DRP2: variants seen among roughly 807,000 people sequenced by gnomAD.
The protein encoded by DRP2 is dystrophin-related protein 2.
In DRP2, 29 loss-of-function variants were observed where a neutral mutation model predicts 78.2. That is an observed-to-expected ratio of 0.37 (90% CI 0.28 to 0.51). DRP2 has a LOEUF of 0.51. Among genes scored for constraint, DRP2 ranks in the 20% least tolerant of loss-of-function variants. The pLI is 0.94. For missense variants in DRP2, 686 were observed against 770.6 expected, an observed-to-expected ratio of 0.89 and a Z score of 1.30; for synonymous variants, 290 against 281.9, an observed-to-expected ratio of 1.03 and a Z score of -0.29.
chrX:101,259,612 C>T (rs1489412729), intron 22 of DRP2, among the ~76,000 whole-genome samples: 1 of 111,757 alleles, frequency 8.9e-6, no homozygotes, highest in Non-Finnish European at 1.9e-5. Context: ...GATTCTCCTG[C>T]CTCAGCCTCC....
intron 2 of DRP2, among the ~76,000 whole-genome samples, chrX:101,229,894 T>C (rs1424005011): frequency 1.8e-5 from 2 of 112,244 alleles, no homozygotes; most frequent in East Asian, 2.8e-4. Flanking sequence ...CTTAGCTCTT[T>C]ACATCTAAAG....
rs181263222 is a variant in DRP2, at chrX:101,223,775, C to T, written c.-166-829C>T. On this transcript the variant is annotated intron_variant, in intron 1 of 23. Transcript: ENST00000395209. ...TTGACAGCTAAACTTCTCAGGAATA[C>T]GTTTCCTTGTTTTCATTTGTAAATG... 7.9e-4 allele frequency among the ~76,000 whole-genome samples: 89 copies of T among 112,063 alleles called. 2 individuals carry two copies. The highest frequency in any genetic ancestry group is 2.4e-3 in the African/African-American group (73 of 30,822).
At chrX:101,249,212 A>G (rs7051508) in intron 14 of DRP2, among the ~76,000 whole-genome samples, 2,102 of 111,895 alleles carry the variant, frequency 0.019, 67 homozygotes, top group African/African-American at 0.065. Context: ...CCTGCTTCCA[A>G]TGATTTACAG....
chrX:101,258,423 T>A lies in DRP2; in HGVS notation c.2505T>A (p.Leu835=). The part of the protein sequence containing the change: ...EAATDHRNEE[L]LAEARILRQH... ...CAACAGACCACCGCAATGAGGAGCT[T>A]CTGGCCGAGGCCCGTATCCTTCGGC... Residue 835 remains leucine (L), a synonymous_variant, in exon 22 of 24, where the codon CTT becomes CTA. Transcript: ENST00000395209. 8.3e-7 allele frequency: 1 copy of A among 1,206,676 alleles called. No homozygotes were observed. The highest frequency in any genetic ancestry group is 1.1e-6 in the Non-Finnish European group (1 of 893,082).
Position 101,247,106 on chromosome X carries a change from T to G in DRP2, c.1194T>G (p.Ile398Met). The change falls in exon 12 of 24, where the codon ATT becomes ATG. Residue 398 changes from isoleucine (I) to methionine (M), a missense_variant. Physicochemically the swap from Ile to Met is conservative, Grantham distance 10. This residue lies in a region of DRP2 where 423 missense variants were observed against 531.5 expected (regional missense o/e 0.80). Transcript: ENST00000395209. ...LYQTLADLNN[I>M]KFSAYRTAMK... ...TCTTTGCAGCTGATCTGAACAACAT[T>G]AAGTTCTCAGCTTATCGCACTGCCA... 1 of 1,210,666 alleles carries G rather than the reference T, an allele frequency of 8.3e-7. No homozygotes were observed. The highest frequency in any genetic ancestry group is 1.1e-6 in the Non-Finnish European group (1 of 894,967).
chrX:101,252,548 G>T (rs1041486384), intron 16 of DRP2, 57 bp from the exon 17 acceptor site: 34 of 944,149 alleles, frequency 3.6e-5, no homozygotes, highest in Non-Finnish European at 6.1e-6. Context: ...GGGAACAGCG[G>T]GGAGGTCACT....
At chrX:101,250,882 C>T (rs1016622018) in intron 15 of DRP2, 35 bp from the exon 16 acceptor site, 6 of 1,199,505 alleles carry the variant, frequency 5.0e-6, no homozygotes, top group African/African-American at 3.5e-5. Context: ...CACTTTGGGC[C>T]TCAGTCATTC....
At chrX:101,222,106 T>G (rs1912009667) in intron 1 of DRP2, among the ~76,000 whole-genome samples, 1 of 111,314 alleles carries the variant, frequency 9.0e-6, no homozygotes, top group Non-Finnish European at 1.9e-5. Flanking sequence ...GTTCAATACT[T>G]TTTTGGAAAT....
At chrX:101,221,463 C>T (rs1017831762) in intron 1 of DRP2, among the ~76,000 whole-genome samples, 3 of 112,497 alleles carry the variant, frequency 2.7e-5, no homozygotes, top group Non-Finnish European at 3.8e-5. Flanking sequence ...GTGTTGTGTC[C>T]TGTTTCTGAA....
At chrX:101,223,390 T>TGTATACAG (rs1921961140) in intron 1 of DRP2, among the ~76,000 whole-genome samples, 2 of 112,504 alleles carry the variant, frequency 1.8e-5, no homozygotes, top group Admixed American at 9.4e-5. Flanking sequence ...TTTTCACTAT[T>TGTATACAG]GTATACTCCT....
At chrX:101,242,800 A>G in intron 8 of DRP2, 104 bp from the exon 9 acceptor site, 1 of 804,342 alleles carries the variant, frequency 1.2e-6, no homozygotes, top group South Asian at 2.4e-5. Flanking sequence ...AACCAGAGAA[A>G]AGCCAGTCCC....
chrX:101,245,303 C>G (rs1002056220), intron 10 of DRP2, 85 bp from the exon 11 acceptor site: 1 of 987,832 alleles, frequency 1.0e-6, no homozygotes, highest in African/African-American at 1.9e-5. Context: ...TTGCATCCAA[C>G]CTGTCACTTG....
At position 101,225,991 on chromosome X, in the gene DRP2, C is replaced by A. The variant is rs745703330; in HGVS notation, c.-64+1285C>A. ...AAAGACATGGGGAGAATTTTTACTGCTCAGTTCCCTTCTCCAATGGTAACA... is the reference window on the plus strand; with the variant it reads ...AAAGACATGGGGAGAATTTTTACTGATCAGTTCCCTTCTCCAATGGTAACA... On this transcript the variant is annotated intron_variant, in intron 2 of 23. Transcript: ENST00000395209. 3.8e-4 allele frequency among the ~76,000 whole-genome samples: 42 copies of A among 111,920 alleles called. No homozygotes were observed. In the South Asian group the frequency reaches 6.7e-3, roughly 18 times the overall value.
At chrX:101,258,180 TG>T in intron 21 of DRP2, 128 bp from the exon 22 acceptor site, 1 of 397,174 alleles carries the variant, frequency 2.5e-6, no homozygotes, top group Non-Finnish European at 3.9e-6. Context: ...GGGGTGGGGA[TG>T]GGGGTGGGGG....
At chrX:101,227,586 C>T (rs73556806) in intron 2 of DRP2, among the ~76,000 whole-genome samples, 3 of 110,449 alleles carry the variant, frequency 2.7e-5, no homozygotes, top group East Asian at 5.7e-4. Context: ...ACAGCACAGC[C>T]GACTACAAAG....
Position 101,248,099 on chromosome X carries a change from A to G in DRP2, c.1263A>G (p.Val421=). Residue 421 remains valine, a synonymous_variant, in exon 13 of 24, where the codon GTA becomes GTG. Transcript: ENST00000395209. ...RVQKALRLDL[V]TLTTALEIFN... ...TTCTTTCCTTACCAGTGGACCTGGT[A>G]ACTTTAACCACAGCCCTGGAAATCT... 1.7e-6 allele frequency: 2 copies of G among 1,210,601 alleles called. No individual in the cohort carries two copies. Among genetic ancestry groups the G allele is most frequent in the Non-Finnish European group, 2.2e-6 (2 of 894,967 alleles).
chrX:101,242,544 G>A lies in DRP2; in HGVS notation c.975+73G>A, dbSNP rs147741952. 1.7e-4 allele frequency: 186 copies of A among 1,125,451 alleles called. 1 individual carries two copies. In the East Asian group the frequency reaches 5.5e-3, roughly 33 times the overall value. The allele number at this position is 1,125,451 out of a possible 1,213,427, so 92.7% of individuals were successfully genotyped here. ...CTAGGCTTGGGGGAAACTTCTTCAG[G>A]GGTATGGAAATAGGATCTGCATGGG... On this transcript the variant is annotated intron_variant, in intron 8 of 23. Coordinates refer to ENST00000395209, the MANE Select transcript of DRP2 (RefSeq NM_001939.3).
At chrX:101,248,419 G>A (rs1923009940) in intron 13 of DRP2, 95 bp from the exon 14 acceptor site, 9 of 1,112,296 alleles carry the variant, frequency 8.1e-6, no homozygotes, top group Non-Finnish European at 1.1e-5. Flanking sequence ...GTTGGAACAG[G>A]GCCCTGCTGG....
In DRP2 at chrX:101,245,060, A is replaced by G; in HGVS notation, c.1098A>G (p.Lys366=). 8.3e-7 allele frequency: 1 copy of G among 1,210,043 alleles called. No individual in the cohort carries two copies. The highest frequency in any genetic ancestry group is 1.1e-6 in the Non-Finnish European group (1 of 894,577). The change falls in exon 10 of 24, where the codon AAA becomes AAG. Residue 366 remains lysine (K), a synonymous_variant. Transcript: ENST00000395209. ...GGGAAAGAGCAATTTCACCCAATAAAGTTCCCTACTACATCAAGTGAGTGA... is the reference window on the plus strand; with the variant it reads ...GGGAAAGAGCAATTTCACCCAATAAGGTTCCCTACTACATCAAGTGAGTGA... ...VPWERAISPN[K]VPYYINHQAQ... is the part of the protein sequence containing the mutation.
Sources: allele counts gnomAD v4.1 joint callset (sites outside exome capture counted in the v4.1 genomes callset), GRCh38; gene constraint gnomAD v4.1.1; regional missense constraint gnomAD v4.1.1; transcripts MANE v1.5; gene names NCBI Gene and HGNC (gene_info 2026-07-23, HGNC 2026-07-21).